The following TBCA variants were observed in gnomAD, a reference collection of about 807,000 sequenced individuals.
The protein encoded by TBCA is tubulin-specific chaperone A.
Under a neutral mutation model 15.8 loss-of-function variants are expected in TBCA, and 6 were observed. The ratio of observed to expected loss-of-function variants is 0.38; its 90% CI spans 0.21 to 0.75. The LOEUF is 0.75. Among genes scored for constraint, TBCA ranks in the 30% least tolerant of loss-of-function variants. The pLI, the probability that TBCA is intolerant of heterozygous loss-of-function variation, is 0.46. For synonymous variants in TBCA, 32 were observed against 42.3 expected, an observed-to-expected ratio of 0.76 and a Z score of 0.94; for missense variants, 90 against 131.2, an observed-to-expected ratio of 0.69 and a Z score of 1.53.
intron 1 of TBCA, among the ~76,000 whole-genome samples, chr5:77,742,001 G>A (rs1362359597): frequency 1.3e-5 from 2 of 152,102 alleles, no homozygotes; most frequent in African/African-American, 2.4e-5. Context: ...GAGAGAATAC[G>A]GTATGTTTTA....
At chr5:77,703,893 T>C (rs781684847) in intron 2 of TBCA, among the ~76,000 whole-genome samples, 5 of 151,900 alleles carry the variant, frequency 3.3e-5, no homozygotes, top group East Asian at 1.9e-4. Flanking sequence ...GATTGGATTA[T>C]AGGGGCGGTT....
At chr5:77,754,201 C>G (rs953164454) in intron 1 of TBCA, among the ~76,000 whole-genome samples, 11 of 152,140 alleles carry the variant, frequency 7.2e-5, no homozygotes, top group Non-Finnish European at 1.0e-4. Context: ...AAAAATTCAC[C>G]ATACAAGACT....
At chr5:77,743,265 A>G (rs1189984673) in intron 1 of TBCA, among the ~76,000 whole-genome samples, 1 of 152,260 alleles carries the variant, frequency 6.6e-6, no homozygotes, top group Admixed American at 6.5e-5. Flanking sequence ...TCTAGATTGT[A>G]GGACATATTT....
Position 77,776,302 on chromosome 5 carries a change from A to C in TBCA, c.-45T>G. 6.4e-7 allele frequency: 1 copy of C among 1,557,098 alleles called. No individual in the cohort carries two copies. Among genetic ancestry groups the C allele is most frequent in the Non-Finnish European group, 8.7e-7 (1 of 1,151,206 alleles). On this transcript the variant is annotated 5_prime_UTR_variant, in exon 1 of 4. Transcript: ENST00000380377. ...GAAGGAGGGGCGGAGAGCCGGGGTA[A>C]CCGTGGAGGGCGACGCGCAGAGGCT...
intron 2 of TBCA, among the ~76,000 whole-genome samples, chr5:77,703,426 G>C (rs899947085): frequency 5.9e-5 from 9 of 152,250 alleles, no homozygotes; most frequent in African/African-American, 1.7e-4. Flanking sequence ...GATATCAGAA[G>C]CAGAAGGCTA....
chr5:77,723,484 T>C (rs939535213), intron 1 of TBCA, among the ~76,000 whole-genome samples: 3 of 151,978 alleles, frequency 2.0e-5, no homozygotes, highest in African/African-American at 7.2e-5. Flanking sequence ...ATGGGTAGCA[T>C]TTTTATTATG....
Position 77,734,400 on chromosome 5 carries a change from C to T in TBCA, c.54-26053G>A, listed in dbSNP as rs867673821. 4.6e-4 allele frequency among the ~76,000 whole-genome samples: 70 copies of T among 152,140 alleles called. No homozygotes were observed. The Middle Eastern group carries it at 0.01, about 22-fold the overall frequency. The stretch of plus-strand genomic sequence containing the variant: ...TGCCATTAAGAACATTCATGATTCA[C>T]GGGAGGAGGTCAAAATATCAATATT... On this transcript the variant is annotated intron_variant, in intron 1 of 3. Transcript: ENST00000380377.
chr5:77,730,042 A>AT (rs1161038908), intron 1 of TBCA, among the ~76,000 whole-genome samples: 1 of 152,168 alleles, frequency 6.6e-6, no homozygotes, highest in African/African-American at 2.4e-5. Flanking sequence ...ATAATTTTTG[A>AT]TTTTTTAAAA....
chr5:77,692,747 A>T (rs1745782754), intron 3 of TBCA: 1 of 993,826 alleles, frequency 1.0e-6, no homozygotes, highest in South Asian at 4.5e-5. Context: ...CTGTATCACA[A>T]GGCATTTATA....
At chr5:77,774,111 C>A (rs751365415) in intron 1 of TBCA, among the ~76,000 whole-genome samples, 1 of 152,176 alleles carries the variant, frequency 6.6e-6, no homozygotes, top group Non-Finnish European at 1.5e-5. Context: ...AACTCAGGAA[C>A]AATTGAGCAG....
intron 2 of TBCA, among the ~76,000 whole-genome samples, chr5:77,707,896 G>T (rs1238502374): frequency 6.6e-6 from 1 of 152,154 alleles, no homozygotes; most frequent in Non-Finnish European, 1.5e-5. Flanking sequence ...GCTCATGCCT[G>T]TAATCCCAGC....
chr5:77,715,118 T>A, intron 1 of TBCA: 1 of 623,224 alleles, frequency 1.6e-6, no homozygotes, highest in Non-Finnish European at 2.8e-6. Flanking sequence ...TGAGTTAAGA[T>A]TTCAAAGAGG....
At chr5:77,746,316 T>C (rs1002577275) in intron 1 of TBCA, among the ~76,000 whole-genome samples, 2 of 152,168 alleles carry the variant, frequency 1.3e-5, no homozygotes, top group African/African-American at 4.8e-5. Flanking sequence ...AGACTTGTTT[T>C]ACTTTTTCAA....
At chr5:77,700,138 G>A (rs998868491) in intron 2 of TBCA, among the ~76,000 whole-genome samples, 1 of 151,434 alleles carries the variant, frequency 6.6e-6, no homozygotes, top group East Asian at 1.9e-4. Context: ...CCAGGAGGCA[G>A]AGGTTGCAGT....
chr5:77,734,692 G>A (rs576559862), intron 1 of TBCA, among the ~76,000 whole-genome samples: 1 of 152,342 alleles, frequency 6.6e-6, no homozygotes, highest in South Asian at 2.1e-4. Context: ...AGTTGATGAA[G>A]CGGTAGAAGG....
chr5:77,772,374 T>C (rs1303952951), intron 1 of TBCA, among the ~76,000 whole-genome samples: 1 of 152,108 alleles, frequency 6.6e-6, no homozygotes. Flanking sequence ...GTTTAAAACC[T>C]AGATGACGGG....
intron 1 of TBCA, among the ~76,000 whole-genome samples, chr5:77,758,159 AAGAG>A (rs1747520362): frequency 6.6e-6 from 1 of 152,146 alleles, no homozygotes; most frequent in Non-Finnish European, 1.5e-5. Flanking sequence ...GGCATGAGGG[AAGAG>A]AGAGACCCTC....
At chr5:77,739,013 T>C (rs1239999412) in intron 1 of TBCA, among the ~76,000 whole-genome samples, 1 of 152,192 alleles carries the variant, frequency 6.6e-6, no homozygotes, top group Non-Finnish European at 1.5e-5. Flanking sequence ...TGGAAGAGAA[T>C]AGAAATCGAA....
At chr5:77,739,288 T>C (rs1017418896) in intron 1 of TBCA, among the ~76,000 whole-genome samples, 8 of 151,886 alleles carry the variant, frequency 5.3e-5, no homozygotes, top group Non-Finnish European at 1.0e-4. Context: ...TGGTGAACCC[T>C]TGTCTCCACT....
Sources: gnomAD v4.1 joint callset for allele counts (sites outside exome capture counted in the v4.1 genomes callset) on GRCh38, gnomAD v4.1.1 for gene constraint, MANE v1.5 for transcripts, NCBI Gene and HGNC (gene_info 2026-07-23, HGNC 2026-07-21) for gene names.